CUBN: variants seen among roughly 807,000 people sequenced by gnomAD.
The protein encoded by CUBN is cubilin.
A neutral mutation model predicts 405.3 loss-of-function variants in CUBN; 282 were observed. That is an observed-to-expected ratio of 0.70 (90% CI 0.63 to 0.77). The LOEUF (loss-of-function observed/expected upper bound fraction) is 0.77. Ranked by LOEUF, CUBN falls within the 30% of genes least tolerant of loss-of-function variation. CUBN has a pLI of 0.00. For missense variants in CUBN, 4,514 were observed against 4,475.2 expected (o/e 1.01, Z -0.25); for synonymous variants, 1,684 against 1,617.0 (o/e 1.04, Z -0.99).
intron 26 of CUBN, among the ~76,000 whole-genome samples, chr10:17,042,147 T>C (rs573409861): frequency 6.6e-6 from 1 of 152,328 alleles, no homozygotes; most frequent in African/African-American, 2.4e-5. Context: ...AAAGTGTACA[T>C]TTGTGGCTCT....
chr10:16,950,236 T>C (rs1174271660), intron 33 of CUBN, 125 bp from the exon 34 acceptor site: 39 of 689,828 alleles, frequency 5.7e-5, no homozygotes, highest in Non-Finnish European at 1.0e-4. Context: ...GAGTAAGACC[T>C]GTTTGATAGC....
chr10:16,913,766 TTTA>T, intron 48 of CUBN, 42 bp downstream of exon 48: 3 of 1,609,656 alleles, frequency 1.9e-6, no homozygotes, highest in Non-Finnish European at 2.5e-6. Flanking sequence ...CGGTAAACTC[TTTA>T]AATGATGGAA....
intron 27 of CUBN, among the ~76,000 whole-genome samples, chr10:17,026,327 A>G (rs1017375251): frequency 6.6e-6 from 1 of 152,252 alleles, no homozygotes; most frequent in African/African-American, 2.4e-5. Context: ...ACAACAGTAG[A>G]AATTGCAAAG....
At chr10:16,834,806 A>G (rs1034976075) in intron 64 of CUBN, among the ~76,000 whole-genome samples, 3 of 152,136 alleles carry the variant, frequency 2.0e-5, no homozygotes, top group African/African-American at 7.2e-5. Context: ...CTGCCAGACT[A>G]GGAGTCTCCT....
intron 36 of CUBN, among the ~76,000 whole-genome samples, chr10:16,941,539 A>C (rs532085628): frequency 6.6e-6 from 1 of 152,320 alleles, no homozygotes; most frequent in African/African-American, 2.4e-5. Context: ...ATTTCATTAA[A>C]GACATGAATA....
intron 31 of CUBN, among the ~76,000 whole-genome samples, chr10:16,966,333 A>G (rs1843390680): frequency 1.3e-5 from 2 of 152,168 alleles, no homozygotes; most frequent in South Asian, 4.1e-4. Flanking sequence ...TCGTTGCCAC[A>G]TAAACTTGAT....
intron 27 of CUBN, among the ~76,000 whole-genome samples, chr10:17,035,605 T>C (rs1222039636): frequency 2.0e-5 from 3 of 152,216 alleles, no homozygotes; most frequent in African/African-American, 4.8e-5. Flanking sequence ...TTTGTAATCT[T>C]GGTGAATTCA....
chr10:16,860,613 T>C lies in CUBN; in HGVS notation c.9454+9023A>G, dbSNP rs79933493. Among the ~76,000 whole-genome samples the C allele has an allele frequency of 6.5e-3, 985 of 152,352 alleles. 6 individuals carry two copies. The highest frequency in any genetic ancestry group is 0.022 in the African/African-American group (927 of 41,572). On this transcript the variant is annotated intron_variant, in intron 59 of 66. Coordinates refer to ENST00000377833, the MANE Select transcript of CUBN (RefSeq NM_001081.4). The stretch of plus-strand genomic sequence containing the variant: ...CAGACAAAACCCAACATTTTTATTA[T>C]TTTATTCTGCAAAGCACTGTCCTCT...
intron 17 of CUBN, among the ~76,000 whole-genome samples, chr10:17,075,667 T>C (rs1835842468): frequency 6.6e-6 from 1 of 152,206 alleles, no homozygotes; most frequent in Non-Finnish European, 1.5e-5. Context: ...AGCCATATGA[T>C]AGAGTCTGAC....
chr10:16,925,509 G>A (rs1375247680), intron 42 of CUBN, 75 bp downstream of exon 42: 1 of 1,608,042 alleles, frequency 6.2e-7, no homozygotes, highest in Non-Finnish European at 8.5e-7. Flanking sequence ...TGTCCCAGGA[G>A]AGAAAAATTA....
intron 35 of CUBN, 146 bp from the exon 36 acceptor site, chr10:16,947,513 T>A (rs1174034833): frequency 2.1e-6 from 2 of 941,234 alleles, no homozygotes; most frequent in Non-Finnish European, 3.3e-6. Flanking sequence ...TCATGTCATA[T>A]AAAATAAGGG....
chr10:17,112,868 T>C (rs186348213), intron 8 of CUBN, among the ~76,000 whole-genome samples: 62 of 152,354 alleles, frequency 4.1e-4, no homozygotes, highest in Admixed American at 4.0e-3. Context: ...CAAGTTCTCA[T>C]ATTGTAAAAT....
chr10:17,071,864 A>C lies in CUBN; in HGVS notation c.2409T>G (p.Ser803=). The C allele has an allele frequency of 6.2e-7, 1 of 1,613,036 alleles. No homozygotes were observed. Residue 803 remains serine (S), a synonymous_variant, in exon 18 of 67, where the codon TCT becomes TCG. Coordinates refer to ENST00000377833, the MANE Select transcript of CUBN (RefSeq NM_001081.4). ...CAGCTCTGAAACTAGCTTTTTCAAC[A>C]GAAGCATCTATTTTAAACCTGATCC... ...SVWIRFKIDA[S]VEKASFRAVY...
intron 22 of CUBN, among the ~76,000 whole-genome samples, chr10:17,048,885 T>C (rs1835198090): frequency 6.6e-6 from 1 of 152,230 alleles, no homozygotes; most frequent in Non-Finnish European, 1.5e-5. Context: ...TAGAGATGCA[T>C]AGAACATATT....
Position 16,973,877 on chromosome 10 carries a change from C to T in CUBN, c.4695+8607G>A, listed in dbSNP as rs577823817. On this transcript the variant is annotated intron_variant, in intron 31 of 66. Transcript: ENST00000377833. ...TGGTGTATACGTAGCACGTTTTCTTCATCCCATCCACCATTGATGGGCATC... is the reference window on the plus strand; with the variant it reads ...TGGTGTATACGTAGCACGTTTTCTTTATCCCATCCACCATTGATGGGCATC... Among the ~76,000 whole-genome samples the T allele has an allele frequency of 3.5e-4, 54 of 152,306 alleles. 5 individuals are homozygous for T. Among genetic ancestry groups the T allele is most frequent in the African/African-American group, 7.7e-4 (32 of 41,558 alleles).
At chr10:17,036,562 C>A (rs1279986056) in intron 27 of CUBN, among the ~76,000 whole-genome samples, 1 of 152,076 alleles carries the variant, frequency 6.6e-6, no homozygotes, top group Non-Finnish European at 1.5e-5. Context: ...GTGCCACCAC[C>A]AAGAGTGCGA....
chr10:16,977,724 A>C (rs1833140860), intron 31 of CUBN, among the ~76,000 whole-genome samples: 1 of 152,158 alleles, frequency 6.6e-6, no homozygotes, highest in Non-Finnish European at 1.5e-5. Context: ...CATGCCCACT[A>C]GGGCTCTGGG....
rs1490773229 is a variant in CUBN at position 16,905,267 on chromosome 10, T to C, written c.7912+936A>G. Among the ~76,000 whole-genome samples the C allele has an allele frequency of 2.0e-5, 3 of 152,300 alleles. No homozygotes were observed. In the East Asian group the frequency reaches 5.8e-4, roughly 29 times the overall value. ...CAGCATAATCATGGAAGCAACCTAA[T>C]GAATAACCTACACCTTGACTATGGG... is the stretch of plus-strand genomic sequence containing the variant. On this transcript the variant is annotated intron_variant, in intron 50 of 66. Coordinates refer to ENST00000377833, the MANE Select transcript of CUBN (RefSeq NM_001081.4).
intron 14 of CUBN, among the ~76,000 whole-genome samples, chr10:17,091,688 C>T (rs1204970530): frequency 6.6e-6 from 1 of 152,086 alleles, no homozygotes; most frequent in Non-Finnish European, 1.5e-5. Flanking sequence ...ACACTCTGAC[C>T]AATGTTAACT....
Sources: gnomAD v4.1 joint callset for allele counts (sites outside exome capture counted in the v4.1 genomes callset) on GRCh38, gnomAD v4.1.1 for gene constraint, MANE v1.5 for transcripts, NCBI Gene and HGNC (gene_info 2026-07-23, HGNC 2026-07-21) for gene names.